The following ALKBH8 variants were observed in gnomAD, a reference collection of about 807,000 sequenced individuals.
The protein encoded by ALKBH8 is tRNA (carboxymethyluridine(34)-5-O)-methyltransferase ALKBH8.
Under a neutral mutation model 59.8 loss-of-function variants are expected in ALKBH8, and 36 were observed. That is an observed-to-expected ratio of 0.60 (90% CI 0.46 to 0.79). The LOEUF is 0.79. ALKBH8 is among the 30% of genes least tolerant of loss of function. The pLI, the probability that ALKBH8 is intolerant of heterozygous loss-of-function variation, is 0.00. For missense variants in ALKBH8, 768 were observed against 801.0 expected, an observed-to-expected ratio of 0.96 and a Z score of 0.50; for synonymous variants, 276 against 273.6, an observed-to-expected ratio of 1.01 and a Z score of -0.09.
intron 7 of ALKBH8, among the ~76,000 whole-genome samples, chr11:107,549,332 G>A (rs574321973): frequency 6.6e-6 from 1 of 152,286 alleles, no homozygotes; most frequent in South Asian, 2.1e-4. Context: ...CAGAGTTTTT[G>A]AAGGGATTGA....
In ALKBH8 at chr11:107,522,548, C is replaced by A. The variant is rs188523089; in HGVS notation, c.1038G>T (p.Pro346=). Residue 346 remains proline, a synonymous_variant, in exon 10 of 12, where the codon CCG becomes CCT. Coordinates refer to ENST00000428149, the MANE Select transcript of ALKBH8 (RefSeq NM_138775.3). ...VRQTPCNCSY[P]LVCDSQRKET... is the part of the protein sequence containing the mutation. ...CTTTCCTCTGGCTATCACAGACCAA[C>A]GGGTAACCTTAATGAAAAAGCAATA... 2.6e-6 allele frequency: 4 copies of A among 1,550,708 alleles called. No individual in the cohort carries two copies. In the African/African-American group the frequency reaches 5.5e-5, roughly 21 times the overall value.
chr11:107,563,576 T>C (rs1432170303), intron 1 of ALKBH8: 2 of 152,194 alleles, frequency 1.3e-5, no homozygotes, highest in African/African-American at 2.4e-5. Flanking sequence ...CAGATCAAAA[T>C]GGCTTAACAA....
At chr11:107,525,066 A>T (rs1279849083) in intron 9 of ALKBH8, among the ~76,000 whole-genome samples, 1 of 152,178 alleles carries the variant, frequency 6.6e-6, no homozygotes, top group Non-Finnish European at 1.5e-5. Flanking sequence ...TCCCTGTTGG[A>T]TTAATAAGAT....
At chr11:107,560,925 A>C in intron 1 of ALKBH8, 26 bp from the exon 2 acceptor site, 1 of 1,592,188 alleles carries the variant, frequency 6.3e-7, no homozygotes, top group Non-Finnish European at 8.6e-7. Flanking sequence ...ACAGTAAAAA[A>C]GTCAACCTTA....
intron 7 of ALKBH8, among the ~76,000 whole-genome samples, chr11:107,541,173 T>C (rs1039650472): frequency 2.6e-5 from 4 of 152,200 alleles, no homozygotes; most frequent in African/African-American, 9.6e-5. Flanking sequence ...AATAGTTAGC[T>C]GTTGGCGATA....
chr11:107,512,953 G>A (rs1050410011), intron 10 of ALKBH8, among the ~76,000 whole-genome samples: 1 of 152,108 alleles, frequency 6.6e-6, no homozygotes, highest in African/African-American at 2.4e-5. Flanking sequence ...AACTCTGGAA[G>A]ATAACCTAGG....
At chr11:107,560,714 T>G (rs766297384) in intron 2 of ALKBH8, 51 bp downstream of exon 2, 1 of 1,514,974 alleles carries the variant, frequency 6.6e-7, no homozygotes, top group Admixed American at 2.0e-5. Flanking sequence ...ATATAATACA[T>G]TAACATGTCA....
chr11:107,544,815 CCACACACACACA>C (rs5794557), intron 7 of ALKBH8, among the ~76,000 whole-genome samples: 6,957 of 138,520 alleles, frequency 0.05, 311 homozygotes, highest in East Asian at 0.21. Context: ...TAGATACAAA[CCACACACACACA>C]CACACACACA....
rs2135609411 is a variant in ALKBH8 at position 107,565,679 on chromosome 11, A to G, written c.-85T>C. 6.5e-7 allele frequency: 1 copy of G among 1,535,536 alleles called. No homozygotes were observed. Among genetic ancestry groups the G allele is most frequent in the Non-Finnish European group, 8.7e-7 (1 of 1,146,758 alleles). On this transcript the variant is annotated 5_prime_UTR_variant, in exon 1 of 12. Transcript: ENST00000428149. ...AGCCTCTCCACTCTAGCACCAGAAC[A>G]CCGCAGCGGATACTTGCACGCCATC...
intron 7 of ALKBH8, among the ~76,000 whole-genome samples, chr11:107,544,815 CCA>C (rs5794557): frequency 0.1 from 14,029 of 138,330 alleles, 705 homozygotes; most frequent in South Asian, 0.14. Context: ...TAGATACAAA[CCA>C]CACACACACA....
At chr11:107,509,237 T>G (rs2135468822) in intron 11 of ALKBH8, among the ~76,000 whole-genome samples, 1 of 152,352 alleles carries the variant, frequency 6.6e-6, no homozygotes, top group South Asian at 2.1e-4. Context: ...ATTATGGTTT[T>G]GATTTGCATT....
At chr11:107,525,697 C>A (rs1591274237) in intron 8 of ALKBH8, 105 bp from the exon 9 acceptor site, 3 of 774,644 alleles carry the variant, frequency 3.9e-6, no homozygotes, top group South Asian at 3.9e-5. Context: ...GAATTTATTA[C>A]AAATATCTAT....
chr11:107,551,441 C>T (rs1225127652), intron 6 of ALKBH8, among the ~76,000 whole-genome samples: 1 of 152,040 alleles, frequency 6.6e-6, no homozygotes, highest in African/African-American at 2.4e-5. Context: ...TGCCTGTAAT[C>T]CCAGCACTTT....
At chr11:107,529,398 T>C (rs562863413) in intron 8 of ALKBH8, among the ~76,000 whole-genome samples, 13 of 152,332 alleles carry the variant, frequency 8.5e-5, no homozygotes, top group Admixed American at 5.2e-4. Flanking sequence ...TGAACTTGTT[T>C]AGAAATATAT....
At position 107,543,311 on chromosome 11, in the gene ALKBH8, G is replaced by A. The variant is rs1449368200; in HGVS notation, c.771+6442C>T. ...GATCACACCACTGCACTCCAGCCTG[G>A]ACAACAGAGAGAGACTTCGTCTCAA... On this transcript the variant is annotated intron_variant, in intron 7 of 11. Coordinates refer to ENST00000428149, the MANE Select transcript of ALKBH8 (RefSeq NM_138775.3). Among the ~76,000 whole-genome samples the A allele has an allele frequency of 2.6e-5, 4 of 152,198 alleles. No homozygotes were observed. The East Asian group carries it at 7.7e-4, about 29-fold the overall frequency.
At chr11:107,553,305 A>G in intron 4 of ALKBH8, 102 bp from the exon 5 acceptor site, 1 of 642,696 alleles carries the variant, frequency 1.6e-6, no homozygotes, top group East Asian at 2.9e-5. Context: ...AGTAATGGCA[A>G]CTTCTGTTAA....
At chr11:107,518,841 T>A (rs1425336611) in intron 10 of ALKBH8, among the ~76,000 whole-genome samples, 1 of 152,166 alleles carries the variant, frequency 6.6e-6, no homozygotes, top group Admixed American at 6.5e-5. Flanking sequence ...CTGAAGGCTG[T>A]GAGACCCCTG....
chr11:107,548,795 T>A (rs1383649241), intron 7 of ALKBH8, among the ~76,000 whole-genome samples: 1 of 151,972 alleles, frequency 6.6e-6, no homozygotes, highest in Non-Finnish European at 1.5e-5. Flanking sequence ...CAGACTCTAA[T>A]TAGATTAGAT....
Position 107,504,875 on chromosome 11 carries a change from A to C in ALKBH8, c.1778T>G (p.Leu593Arg). The change falls in exon 12 of 12, where the codon CTG (leucine) becomes CGG (arginine). Residue 593 changes from leucine to arginine, a missense_variant. Physicochemically the swap from Leu to Arg is moderately radical, Grantham distance 102 (BLOSUM62 -2). Transcript: ENST00000428149. Reference sequence around the variant, plus strand: ...ATTTCCCTTAAGGTGCCAGGGAACCAGTACATCTTGAGAATAAAAAGAAGT... The same window carrying C: ...ATTTCCCTTAAGGTGCCAGGGAACCCGTACATCTTGAGAATAAAAAGAAGT... Reference protein sequence around the residue: ...NRTSFYSQDVLVPWHLKGNPD... With the variant: ...NRTSFYSQDVRVPWHLKGNPD... 6.4e-7 allele frequency: 1 copy of C among 1,551,892 alleles called. No homozygotes were observed. Among genetic ancestry groups the C allele is most frequent in the Non-Finnish European group, 8.7e-7 (1 of 1,147,004 alleles).
Sources: gnomAD v4.1 joint callset for allele counts (sites outside exome capture counted in the v4.1 genomes callset) on GRCh38, gnomAD v4.1.1 for gene constraint, MANE v1.5 for transcripts, NCBI Gene and HGNC (gene_info 2026-07-23, HGNC 2026-07-21) for gene names.